The following AGBL4 variants were observed in gnomAD, a reference collection of about 807,000 sequenced individuals.
AGBL4 encodes cytosolic carboxypeptidase 6.
In AGBL4, 58 loss-of-function variants were observed where a neutral mutation model predicts 66.4. The ratio of observed to expected loss-of-function variants is 0.87; its 90% CI spans 0.71 to 1.09. The LOEUF is 1.09. Ranked by LOEUF, AGBL4 falls within the 50% of genes least tolerant of loss-of-function variation. AGBL4 has a pLI of 0.00. For missense variants in AGBL4, 579 were observed against 631.0 expected (o/e 0.92, Z 0.88); for synonymous variants, 234 against 222.9 (o/e 1.05, Z -0.44).
At chr1:48,806,287 A>G (rs57947800) in intron 6 of AGBL4, among the ~76,000 whole-genome samples, 3,841 of 152,260 alleles carry the variant, frequency 0.025, 144 homozygotes, top group African/African-American at 0.088. Flanking sequence ...AGAATGGGGC[A>G]AAAAGATGTG....
intron 6 of AGBL4, among the ~76,000 whole-genome samples, chr1:48,691,137 G>A (rs1361982327): frequency 3.2e-5 from 4 of 123,376 alleles, no homozygotes; most frequent in East Asian, 5.0e-4. Context: ...CAGCCTGGGC[G>A]ACAGAGTGAG....
At chr1:49,883,991 A>G (rs993925594) in intron 1 of AGBL4, among the ~76,000 whole-genome samples, 1 of 152,058 alleles carries the variant, frequency 6.6e-6, no homozygotes, top group Admixed American at 6.5e-5. Flanking sequence ...TGACATTTAC[A>G]GCAGTACAAA....
At position 49,491,916 on chromosome 1, in the gene AGBL4, A is replaced by G. The variant is rs776878659; in HGVS notation, c.282+205397T>C. Among the ~76,000 whole-genome samples, 14 of 152,118 alleles carry G rather than the reference A, an allele frequency of 9.2e-5. 1 individual carries two copies. Among genetic ancestry groups the G allele is most frequent in the Non-Finnish European group, 2.1e-4 (14 of 67,960 alleles). On this transcript the variant is annotated intron_variant, in intron 3 of 13. Transcript: ENST00000371839. ...TATATTATGTTTTCCCAATACATAC[A>G]TATCTTTCATAAAGTTTAAATTATA...
At chr1:49,770,685 T>C (rs1644030275) in intron 2 of AGBL4, among the ~76,000 whole-genome samples, 1 of 152,200 alleles carries the variant, frequency 6.6e-6, no homozygotes, top group Non-Finnish European at 1.5e-5. Flanking sequence ...ACTGATTCAA[T>C]TTACTCACTT....
At chr1:49,480,122 A>G (rs1646926453) in intron 3 of AGBL4, among the ~76,000 whole-genome samples, 1 of 152,040 alleles carries the variant, frequency 6.6e-6, no homozygotes, top group African/African-American at 2.4e-5. Flanking sequence ...TAATAGAAAA[A>G]TTACAATTTA....
At chr1:48,771,299 T>C (rs1644817115) in intron 6 of AGBL4, among the ~76,000 whole-genome samples, 1 of 152,214 alleles carries the variant, frequency 6.6e-6, no homozygotes, top group South Asian at 2.1e-4. Context: ...GAATTGGTCT[T>C]GGTGTCAAAG....
intron 3 of AGBL4, among the ~76,000 whole-genome samples, chr1:49,325,984 C>A (rs770012180): frequency 4.6e-5 from 7 of 152,164 alleles, no homozygotes; most frequent in Admixed American, 1.3e-4. Context: ...AGCTGCTATG[C>A]TTCCTGTACA....
intron 3 of AGBL4, among the ~76,000 whole-genome samples, chr1:49,400,979 G>C (rs1190626558): frequency 1.3e-5 from 2 of 152,134 alleles, no homozygotes; most frequent in African/African-American, 4.8e-5. Flanking sequence ...GTTGATGTAT[G>C]TTCCTTTTAT....
chr1:49,812,890 C>T (rs1437467391), intron 2 of AGBL4, among the ~76,000 whole-genome samples: 5 of 152,124 alleles, frequency 3.3e-5, no homozygotes, highest in East Asian at 1.9e-4. Context: ...AAGAGACCTA[C>T]ATGTAACTAA....
intron 4 of AGBL4, among the ~76,000 whole-genome samples, chr1:49,194,420 G>A (rs1442275059): frequency 6.6e-6 from 1 of 152,076 alleles, no homozygotes; most frequent in Non-Finnish European, 1.5e-5. Context: ...CAAGTGAGGT[G>A]ACTTTCTTGT....
chr1:49,193,154 C>T (rs1647155228), intron 4 of AGBL4, among the ~76,000 whole-genome samples: 1 of 151,920 alleles, frequency 6.6e-6, no homozygotes, highest in Non-Finnish European at 1.5e-5. Context: ...TTTTAAAGAA[C>T]CAGTTTTTCA....
intron 2 of AGBL4, among the ~76,000 whole-genome samples, chr1:49,843,351 C>A (rs1646050328): frequency 6.6e-6 from 1 of 151,932 alleles, no homozygotes; most frequent in African/African-American, 2.4e-5. Context: ...TTTGCCCAGG[C>A]ATGTCTTGAA....
In AGBL4 at chr1:49,498,537, G is replaced by A. The variant is rs980766537; in HGVS notation, c.282+198776C>T. On this transcript the variant is annotated intron_variant, in intron 3 of 13. Transcript: ENST00000371839. Reference sequence around the variant, plus strand: ...TTTTTAAAGGCTAATATAATATTCCGTTGTGTATATATACTACAGAGTTGG... The same window carrying A: ...TTTTTAAAGGCTAATATAATATTCCATTGTGTATATATACTACAGAGTTGG... 6.6e-5 allele frequency among the ~76,000 whole-genome samples: 10 copies of A among 151,202 alleles called. No homozygotes were observed. In the East Asian group the frequency reaches 9.9e-4, roughly 15 times the overall value.
chr1:49,496,775 T>C (rs1647623888), intron 3 of AGBL4, among the ~76,000 whole-genome samples: 2 of 152,040 alleles, frequency 1.3e-5, no homozygotes, highest in African/African-American at 4.8e-5. Flanking sequence ...CATCGGCTGA[T>C]AGATACTTAT....
intron 3 of AGBL4, among the ~76,000 whole-genome samples, chr1:49,649,281 T>C (rs552896078): frequency 3.3e-5 from 5 of 152,228 alleles, no homozygotes. Flanking sequence ...GAAAAAGATA[T>C]ATAAAAATTT....
chr1:49,082,011 G>A (rs1644817741), intron 4 of AGBL4, among the ~76,000 whole-genome samples: 1 of 152,124 alleles, frequency 6.6e-6, no homozygotes, highest in Non-Finnish European at 1.5e-5. Flanking sequence ...CAAGATCAAT[G>A]TCAAACCAGA....
intron 1 of AGBL4, among the ~76,000 whole-genome samples, chr1:49,957,904 G>T (rs1396924920): frequency 6.6e-6 from 1 of 152,096 alleles, no homozygotes; most frequent in Non-Finnish European, 1.5e-5. Context: ...CTGTCATGAT[G>T]ATGTTAGCTG....
chr1:49,657,341 C>G (rs542801838), intron 3 of AGBL4, among the ~76,000 whole-genome samples: 4 of 152,144 alleles, frequency 2.6e-5, no homozygotes, highest in African/African-American at 9.7e-5. Context: ...CAAACCACTG[C>G]TCAAGGAAAT....
Position 48,601,117 on chromosome 1 carries a change from ATGATAATGG to A in AGBL4, c.952-10141_952-10133del, listed in dbSNP as rs370059993. Among the ~76,000 whole-genome samples the A allele has an allele frequency of 5.9e-3, 905 of 152,290 alleles. 9 individuals carry two copies. Among genetic ancestry groups the A allele is most frequent in the African/African-American group, 0.02 (831 of 41,558 alleles). On this transcript the variant is annotated intron_variant, in intron 9 of 13. Coordinates refer to ENST00000371839, the MANE Select transcript of AGBL4 (RefSeq NM_032785.4). ...GGTGATAGCCATAATGACTATGATA[ATGATAATGG>A]TGATAAAAGGGTACTCATGAGAGTA... is the stretch of plus-strand genomic sequence containing the variant.
Sources: gnomAD v4.1 joint callset for allele counts (sites outside exome capture counted in the v4.1 genomes callset) on GRCh38, gnomAD v4.1.1 for gene constraint, MANE v1.5 for transcripts, NCBI Gene and HGNC (gene_info 2026-07-23, HGNC 2026-07-21) for gene names.